The following LRP1B variants were observed in gnomAD, a reference collection of about 807,000 sequenced individuals.
LRP1B encodes the protein low-density lipoprotein receptor-related protein 1B.
LRP1B carries 217 observed loss-of-function variants against 556.6 expected under a neutral mutation model. That is an observed-to-expected ratio of 0.39 (90% CI 0.35 to 0.44). The LOEUF (loss-of-function observed/expected upper bound fraction) is 0.44. Among genes scored for constraint, LRP1B ranks in the 20% least tolerant of loss-of-function variants. LRP1B has a pLI of 1.00. For missense variants in LRP1B, 5,053 were observed against 5,620.8 expected (o/e 0.90, Z 3.23); for synonymous variants, 2,047 against 1,865.8 (o/e 1.10, Z -2.50).
chr2:142,044,762 T>A (rs954237075), intron 1 of LRP1B, among the ~76,000 whole-genome samples: 3 of 146,206 alleles, frequency 2.1e-5, no homozygotes, highest in African/African-American at 7.5e-5. Context: ...AGAAGCACTC[T>A]GATACAGAAA....
intron 25 of LRP1B, among the ~76,000 whole-genome samples, chr2:140,874,046 G>T (rs1324700156): frequency 6.6e-6 from 1 of 151,932 alleles, no homozygotes; most frequent in Non-Finnish European, 1.5e-5. Flanking sequence ...AAGAAACACA[G>T]ATGTTCAGAA....
intron 1 of LRP1B, among the ~76,000 whole-genome samples, chr2:141,966,437 G>A (rs116044611): frequency 0.011 from 1,629 of 152,018 alleles, 28 homozygotes; most frequent in African/African-American, 0.036. Context: ...TTCAGAAAAG[G>A]CTAGTGTGCC....
chr2:141,814,782 AC>A (rs2105716729), intron 1 of LRP1B, among the ~76,000 whole-genome samples: 1 of 152,308 alleles, frequency 6.6e-6, no homozygotes, highest in South Asian at 2.1e-4. Context: ...ACAAAAGAGA[AC>A]TGGGGCTAAA....
chr2:141,837,747 T>C (rs1361987419), intron 1 of LRP1B, among the ~76,000 whole-genome samples: 2 of 152,068 alleles, frequency 1.3e-5, no homozygotes, highest in Non-Finnish European at 2.9e-5. Context: ...AATGAATAAA[T>C]AAATGAATGG....
At chr2:141,134,785 G>A (rs575476742) in intron 7 of LRP1B, among the ~76,000 whole-genome samples, 3 of 150,688 alleles carry the variant, frequency 2.0e-5, no homozygotes, top group African/African-American at 7.3e-5. Context: ...TCATGGATAA[G>A]CTTCTGTGGT....
At position 141,015,934 on chromosome 2, in the gene LRP1B, A is replaced by C. The variant is rs1234942226; in HGVS notation, c.1971-19T>G. Reference sequence around the variant, plus strand: ...CATCCAACTAAGACATTAAAAAAACAACAAAAATGCATACATGTTATTACA... The same window carrying C: ...CATCCAACTAAGACATTAAAAAAACCACAAAAATGCATACATGTTATTACA... On this transcript the variant is annotated intron_variant, in intron 12 of 90. Coordinates refer to ENST00000389484, the MANE Select transcript of LRP1B (RefSeq NM_018557.3). The C allele has an allele frequency of 2.5e-6, 4 of 1,574,386 alleles. No individual in the cohort carries two copies. Among genetic ancestry groups the C allele is most frequent in the Middle Eastern group, 3.3e-4 (2 of 5,980 alleles).
chr2:141,531,020 A>G (rs1413450163), intron 2 of LRP1B, among the ~76,000 whole-genome samples: 1 of 151,890 alleles, frequency 6.6e-6, no homozygotes, highest in East Asian at 1.9e-4. Flanking sequence ...AAAGAACATA[A>G]TAAGATTTAT....
intron 43 of LRP1B, among the ~76,000 whole-genome samples, chr2:140,565,665 T>C (rs1681098294): frequency 6.6e-6 from 1 of 151,920 alleles, no homozygotes; most frequent in African/African-American, 2.4e-5. Context: ...AAACAACAAA[T>C]AAACAACTGC....
intron 2 of LRP1B, among the ~76,000 whole-genome samples, chr2:141,722,531 C>G (rs1407048582): frequency 6.6e-6 from 1 of 152,082 alleles, no homozygotes; most frequent in Non-Finnish European, 1.5e-5. Context: ...GTGATCTTTC[C>G]TATTTTCTAT....
chr2:141,248,268 C>T (rs1012671242), intron 4 of LRP1B, among the ~76,000 whole-genome samples: 2 of 152,074 alleles, frequency 1.3e-5, no homozygotes, highest in Non-Finnish European at 1.5e-5. Flanking sequence ...GTTTTATGTA[C>T]GAAGCACTGT....
intron 3 of LRP1B, among the ~76,000 whole-genome samples, chr2:141,257,768 G>C (rs1684531199): frequency 6.6e-6 from 1 of 152,172 alleles, no homozygotes; most frequent in African/African-American, 2.4e-5. Flanking sequence ...TCTGCTAACA[G>C]ATCGTGAAGA....
intron 20 of LRP1B, among the ~76,000 whole-genome samples, chr2:140,930,809 C>G (rs1356805762): frequency 1.3e-5 from 2 of 152,096 alleles, no homozygotes; most frequent in African/African-American, 4.8e-5. Context: ...CTGTGAATCA[C>G]TATGTATTAA....
intron 1 of LRP1B, among the ~76,000 whole-genome samples, chr2:141,885,866 T>G (rs892933991): frequency 6.6e-6 from 1 of 152,188 alleles, no homozygotes; most frequent in Non-Finnish European, 1.5e-5. Context: ...GGCTACATGT[T>G]CCATGGTGTC....
At chr2:141,534,922 C>T (rs552845413) in intron 2 of LRP1B, among the ~76,000 whole-genome samples, 16 of 152,160 alleles carry the variant, frequency 1.1e-4, no homozygotes, top group African/African-American at 3.9e-4. Flanking sequence ...CTTTTTGTCT[C>T]CTGGTGGTTT....
At chr2:141,333,576 C>G (rs1016346572) in intron 3 of LRP1B, among the ~76,000 whole-genome samples, 2 of 152,140 alleles carry the variant, frequency 1.3e-5, no homozygotes, top group African/African-American at 4.8e-5. Context: ...TTGTAGTTTA[C>G]AAATTATGTT....
intron 5 of LRP1B, among the ~76,000 whole-genome samples, chr2:141,231,536 A>C (rs1573687426): frequency 6.6e-6 from 1 of 152,284 alleles, no homozygotes; most frequent in East Asian, 1.9e-4. Context: ...TGCAGCCTGG[A>C]GAATCACTAC....
chr2:141,154,023 C>T (rs553606199), intron 7 of LRP1B, among the ~76,000 whole-genome samples: 1 of 151,758 alleles, frequency 6.6e-6, no homozygotes, highest in Non-Finnish European at 1.5e-5. Context: ...GTTGCAGAGA[C>T]AAGCTAGAAT....
At chr2:140,526,078 G>C (rs912997534) in intron 48 of LRP1B, 85 bp from the exon 49 acceptor site, 24 of 1,455,470 alleles carry the variant, frequency 1.6e-5, no homozygotes, top group South Asian at 1.1e-4. Flanking sequence ...GATGAGAAAA[G>C]TTAACTTCAT....
intron 3 of LRP1B, among the ~76,000 whole-genome samples, chr2:141,434,938 G>A (rs1242740172): frequency 6.6e-6 from 1 of 152,230 alleles, no homozygotes; most frequent in East Asian, 1.9e-4. Flanking sequence ...TTTGTCCAAT[G>A]TTGTGCTTTA....
Sources: gnomAD v4.1 joint callset for allele counts (sites outside exome capture counted in the v4.1 genomes callset) on GRCh38, gnomAD v4.1.1 for gene constraint, MANE v1.5 for transcripts, NCBI Gene and HGNC (gene_info 2026-07-23, HGNC 2026-07-21) for gene names.